KLHL32: variants seen among roughly 807,000 people sequenced by gnomAD.
KLHL32 encodes the protein kelch-like protein 32.
A neutral mutation model predicts 64.8 loss-of-function variants in KLHL32; 35 were observed. The ratio of observed to expected loss-of-function variants is 0.54; its 90% CI spans 0.41 to 0.72. The LOEUF is 0.72. Ranked by LOEUF, KLHL32 falls within the 30% of genes least tolerant of loss-of-function variation. KLHL32 has a pLI of 0.00. For synonymous variants in KLHL32, 259 were observed against 281.0 expected (o/e 0.92, Z 0.78); for missense variants, 589 against 768.5 (o/e 0.77, Z 2.76).
chr6:97,129,522 C>G (rs1317267861), intron 8 of KLHL32, among the ~76,000 whole-genome samples: 1 of 152,158 alleles, frequency 6.6e-6, no homozygotes, highest in Non-Finnish European at 1.5e-5. Context: ...GCATACTCTT[C>G]CCATTACTGA....
At chr6:96,938,409 G>T (rs184757971) in intron 1 of KLHL32, among the ~76,000 whole-genome samples, 1 of 152,330 alleles carries the variant, frequency 6.6e-6, no homozygotes, top group Non-Finnish European at 1.5e-5. Context: ...GGGCCCCACA[G>T]TGGACACCTT....
intron 3 of KLHL32, among the ~76,000 whole-genome samples, chr6:97,016,009 G>A (rs1781136996): frequency 6.6e-6 from 1 of 152,162 alleles, no homozygotes; most frequent in Admixed American, 6.5e-5. Context: ...TTGAGTCTTG[G>A]GAACCTCCTC....
At chr6:97,123,098 A>G (rs934768374) in intron 7 of KLHL32, among the ~76,000 whole-genome samples, 14 of 152,272 alleles carry the variant, frequency 9.2e-5, no homozygotes, top group African/African-American at 3.4e-4. Context: ...TACTCTATTT[A>G]CCAACAGAGG....
intron 3 of KLHL32, among the ~76,000 whole-genome samples, chr6:96,991,224 G>A (rs1481726842): frequency 1.3e-5 from 2 of 151,988 alleles, no homozygotes; most frequent in Non-Finnish European, 2.9e-5. Context: ...GGTTGCCTCT[G>A]GGAGCCCCTC....
chr6:96,962,956 G>A (rs1774032804), intron 1 of KLHL32, among the ~76,000 whole-genome samples: 1 of 152,146 alleles, frequency 6.6e-6, no homozygotes, highest in Admixed American at 6.5e-5. Flanking sequence ...TCTTTTGGGG[G>A]TCATTACTCA....
chr6:96,938,476 C>T (rs1270871073), intron 1 of KLHL32, among the ~76,000 whole-genome samples: 1 of 152,178 alleles, frequency 6.6e-6, no homozygotes, highest in Non-Finnish European at 1.5e-5. Flanking sequence ...ACCTCATCAG[C>T]ATTCTCTGTG....
chr6:97,041,412 C>A, intron 3 of KLHL32, 80 bp from the exon 4 acceptor site: 1 of 857,304 alleles, frequency 1.2e-6, no homozygotes, highest in Non-Finnish European at 1.9e-6. Context: ...ACTTTTTTTT[C>A]CCCTAGTCTC....
intron 3 of KLHL32, among the ~76,000 whole-genome samples, chr6:96,998,078 C>G (rs1003147685): frequency 2.0e-5 from 3 of 152,216 alleles, no homozygotes; most frequent in African/African-American, 7.2e-5. Flanking sequence ...CTGTAGCCTT[C>G]TGCCTTATTC....
the KLHL32 span, among the ~76,000 whole-genome samples, chr6:96,900,810 A>C: frequency 6.6e-6 from 1 of 152,166 alleles, no homozygotes; most frequent in Non-Finnish European, 1.5e-5. Flanking sequence ...AGCACAACAG[A>C]TTTATGGAGG....
At chr6:96,935,228 T>C (rs1401671812) in intron 1 of KLHL32, among the ~76,000 whole-genome samples, 3 of 152,214 alleles carry the variant, frequency 2.0e-5, no homozygotes, top group Non-Finnish European at 4.4e-5. Flanking sequence ...TCTATGGTAA[T>C]TTAATTATTA....
intron 3 of KLHL32, among the ~76,000 whole-genome samples, chr6:97,039,870 C>T (rs1784873575): frequency 6.6e-6 from 1 of 151,548 alleles, no homozygotes; most frequent in Non-Finnish European, 1.5e-5. Context: ...AAGAAAATCG[C>T]TCGAAGAGAA....
chr6:97,048,260 G>A (rs1272542343), intron 4 of KLHL32, among the ~76,000 whole-genome samples: 3 of 152,084 alleles, frequency 2.0e-5, no homozygotes, highest in Admixed American at 2.0e-4. Flanking sequence ...TCATATCCGG[G>A]CTTCTGAAGA....
At chr6:96,956,663 G>T (rs1466929965) in intron 1 of KLHL32, among the ~76,000 whole-genome samples, 1 of 152,220 alleles carries the variant, frequency 6.6e-6, no homozygotes, top group Non-Finnish European at 1.5e-5. Flanking sequence ...CTCAGCTTCA[G>T]CAGCTACCAG....
At chr6:96,992,835 C>T (rs1296677643) in intron 3 of KLHL32, among the ~76,000 whole-genome samples, 1 of 152,200 alleles carries the variant, frequency 6.6e-6, no homozygotes, top group Admixed American at 6.5e-5. Context: ...ATAATTTGCC[C>T]AGGGACTGCC....
At chr6:97,103,769 A>C (rs1414792684) in intron 6 of KLHL32, among the ~76,000 whole-genome samples, 1 of 76,842 alleles carries the variant, frequency 1.3e-5, no homozygotes, top group Non-Finnish European at 3.0e-5. Context: ...AATTATAGAC[A>C]AAAAAATGTC....
intron 3 of KLHL32, among the ~76,000 whole-genome samples, chr6:97,013,792 A>G (rs118098628): frequency 2.1e-3 from 319 of 152,346 alleles, no homozygotes; most frequent in Middle Eastern, 3.4e-3. Context: ...AAAACAGCGT[A>G]TTATGGGAGT....
rs575425948 is a variant in KLHL32, at chr6:97,082,485, C to T, written c.412-2641C>T. 2.6e-4 allele frequency among the ~76,000 whole-genome samples: 40 copies of T among 151,954 alleles called. No individual in the cohort carries two copies. The East Asian group carries it at 6.2e-3, about 24-fold the overall frequency. ...AAAATTAGCCGGGCATGGTGGCGGG[C>T]GCCTGTAGTCCCAGCTACTCGGGAG... is the stretch of plus-strand genomic sequence containing the variant. On this transcript the variant is annotated intron_variant, in intron 5 of 10. Transcript: ENST00000369261.
rs141628948 is a variant in KLHL32 at position 97,126,341 on chromosome 6, T to C, written c.1355-1063T>C. 3.9e-3 allele frequency among the ~76,000 whole-genome samples: 588 copies of C among 150,444 alleles called. 2 individuals carry two copies. Among genetic ancestry groups the C allele is most frequent in the African/African-American group, 0.014 (555 of 40,044 alleles). ...GTGATATTTTCTTACTATGCTGTTT[T>C]ATGTTTTTTTTTTTTAGAGTTTTTC... On this transcript the variant is annotated intron_variant, in intron 7 of 10. Transcript: ENST00000369261.
intron 3 of KLHL32, among the ~76,000 whole-genome samples, chr6:96,988,498 T>C (rs1171212846): frequency 2.0e-5 from 3 of 152,174 alleles, no homozygotes. Flanking sequence ...ACTTTTACAC[T>C]GTTGGTGGGA....
Sources: allele counts gnomAD v4.1 joint callset (sites outside exome capture counted in the v4.1 genomes callset), GRCh38; gene constraint gnomAD v4.1.1; transcripts MANE v1.5; gene names NCBI Gene and HGNC (gene_info 2026-07-23, HGNC 2026-07-21).